NRK: variants seen among roughly 807,000 people sequenced by gnomAD.
NRK encodes the protein nik-related protein kinase.
Under a neutral mutation model 125.2 loss-of-function variants are expected in NRK, and 67 were observed. That is an observed-to-expected ratio of 0.54 (90% confidence interval 0.44 to 0.66). NRK has a LOEUF of 0.66. NRK is among the 30% of genes least tolerant of loss of function. The pLI is 0.00. For synonymous variants in NRK, 458 were observed against 429.0 expected (o/e 1.07, Z -0.84); for missense variants, 1,224 against 1,192.9 (o/e 1.03, Z -0.38).
intron 2 of NRK, among the ~76,000 whole-genome samples, chrX:105,879,039 T>C (rs1310066846): frequency 2.7e-5 from 3 of 111,430 alleles, no homozygotes; most frequent in Non-Finnish European, 5.7e-5. Context: ...TCTGGTGTTA[T>C]CAACAATCCT....
At chrX:105,894,501 C>A (rs2040056087) in intron 6 of NRK, among the ~76,000 whole-genome samples, 1 of 111,916 alleles carries the variant, frequency 8.9e-6, no homozygotes, top group Non-Finnish European at 1.9e-5. Flanking sequence ...AGGATATTAA[C>A]AGAATTGAAC....
intron 5 of NRK, among the ~76,000 whole-genome samples, chrX:105,891,151 A>G (rs915307356): frequency 9.0e-6 from 1 of 110,949 alleles, no homozygotes; most frequent in South Asian, 3.8e-4. Flanking sequence ...CTCCTAAGAA[A>G]CTCTTTTCCA....
intron 23 of NRK, among the ~76,000 whole-genome samples, chrX:105,940,419 A>T (rs1450662338): frequency 9.1e-6 from 1 of 109,732 alleles, no homozygotes; most frequent in Admixed American, 9.8e-5. Flanking sequence ...AATGGTCTTG[A>T]TTTATCTTCA....
chrX:105,900,513 C>A, intron 8 of NRK, 105 bp from the exon 9 acceptor site: 2 of 504,742 alleles, frequency 4.0e-6, no homozygotes, highest in Non-Finnish European at 3.5e-6. Context: ...CATAAAAGAG[C>A]TCTGGCATTG....
In NRK at chrX:105,924,678, T is replaced by C; in HGVS notation, c.2976-17T>C. 4 of 1,154,021 alleles carry C rather than the reference T, an allele frequency of 3.5e-6. No individual in the cohort carries two copies. Among genetic ancestry groups the C allele is most frequent in the Non-Finnish European group, 3.5e-6 (3 of 859,057 alleles). ...TTATTGCGTGACTTTCTTTCATTAA[T>C]TGGAGCTTGTTGTCAGGGCAAGCTA... On this transcript the variant is annotated splice_polypyrimidine_tract_variant and intron_variant, in intron 18 of 28. Transcript: ENST00000243300.
At chrX:105,951,930 G>A (rs1057450246) in intron 27 of NRK, among the ~76,000 whole-genome samples, 1 of 112,669 alleles carries the variant, frequency 8.9e-6, no homozygotes, top group Non-Finnish European at 1.9e-5. Context: ...AGTCACATAG[G>A]TGAAGAAATT....
At chrX:105,851,496 ACTT>A (rs1379292699) in intron 2 of NRK, among the ~76,000 whole-genome samples, 1 of 111,975 alleles carries the variant, frequency 8.9e-6, no homozygotes, top group African/African-American at 3.3e-5. Flanking sequence ...ATTCTTTTGG[ACTT>A]CTTATTAGAA....
chrX:105,868,942 A>C (rs2147691547), intron 2 of NRK, among the ~76,000 whole-genome samples: 1 of 110,826 alleles, frequency 9.0e-6, no homozygotes, highest in South Asian at 3.8e-4. Context: ...AAAAGCATTA[A>C]ATTTAAAAAC....
rs56273831 is a variant in NRK, at chrX:105,935,174, C to T, written c.3504C>T (p.Tyr1168=). ...ADANFASAIL[Y]AGFVEVPEES... Reference sequence around the variant, plus strand: ...CTTCCCCTTACATCTTTGCAGTATACGCTGGATTCGTAGAAGTACCTGAGG... The same window carrying T: ...CTTCCCCTTACATCTTTGCAGTATATGCTGGATTCGTAGAAGTACCTGAGG... The change falls in exon 21 of 29, where the codon TAC becomes TAT. Residue 1168 remains tyrosine, a synonymous_variant. Coordinates refer to ENST00000243300, the MANE Select transcript of NRK (RefSeq NM_198465.4). 7.5e-5 allele frequency: 89 copies of T among 1,184,185 alleles called. No homozygotes were observed. Among genetic ancestry groups the T allele is most frequent in the Admixed American group, 4.6e-4 (21 of 45,519 alleles).
chrX:105,871,666 A>C (rs2039749782), intron 2 of NRK, among the ~76,000 whole-genome samples: 1 of 111,531 alleles, frequency 9.0e-6, no homozygotes, highest in Non-Finnish European at 1.9e-5. Flanking sequence ...CCAATCCAGT[A>C]GGGGAGATAG....
chrX:105,917,961 G>C (rs2040387655), intron 16 of NRK, among the ~76,000 whole-genome samples: 1 of 110,838 alleles, frequency 9.0e-6, no homozygotes, highest in Admixed American at 9.7e-5. Context: ...TCTATACCAC[G>C]TAAGAAAAGT....
At chrX:105,868,016 T>G (rs1240260188) in intron 2 of NRK, among the ~76,000 whole-genome samples, 1 of 111,519 alleles carries the variant, frequency 9.0e-6, no homozygotes, top group Non-Finnish European at 1.9e-5. Flanking sequence ...TTGTGGAGGT[T>G]TGTGTAACTT....
chrX:105,898,586 G>A lies in NRK; in HGVS notation c.583G>A (p.Asp195Asn). The change falls in exon 8 of 29, where the codon GAT (aspartate) becomes AAT (asparagine). Residue 195 changes from aspartate to asparagine, a missense_variant and splice_region_variant. Physicochemically the swap from Asp to Asn is conservative, Grantham distance 23. Transcript: ENST00000243300. ...TGACATATAATGATTTTTGGCAGTTGATTTTGGAGTGAGTGCCCAGGTGAG... is the reference window on the plus strand; with the variant it reads ...TGACATATAATGATTTTTGGCAGTTAATTTTGGAGTGAGTGCCCAGGTGAG... ...LTHNAEVKLV[D>N]FGVSAQVSRT... 1 of 1,196,658 alleles carries A rather than the reference G, an allele frequency of 8.4e-7. No homozygotes were observed. Among genetic ancestry groups the A allele is most frequent in the Non-Finnish European group, 1.1e-6 (1 of 887,927 alleles).
At chrX:105,826,251 ATAATATATATT>A (rs2039100421) in intron 1 of NRK, among the ~76,000 whole-genome samples, 1 of 83,577 alleles carries the variant, frequency 1.2e-5, no homozygotes, top group Non-Finnish European at 2.2e-5. Flanking sequence ...AATATATATG[ATAATATATATT>A]TCATATATAA....
intron 16 of NRK, among the ~76,000 whole-genome samples, chrX:105,919,398 ATATT>A (rs2040409636): frequency 8.9e-6 from 1 of 111,805 alleles, no homozygotes; most frequent in Non-Finnish European, 1.9e-5. Context: ...TTAAATGGAA[ATATT>A]TACACTATAG....
chrX:105,874,955 T>C (rs1191474914), intron 2 of NRK, among the ~76,000 whole-genome samples: 1 of 111,785 alleles, frequency 8.9e-6, no homozygotes, highest in Non-Finnish European at 1.9e-5. Context: ...TTAATTACTA[T>C]ATTTTGGAAT....
intron 23 of NRK, among the ~76,000 whole-genome samples, chrX:105,941,179 G>A (rs375242974): frequency 2.2e-4 from 25 of 111,186 alleles, no homozygotes; most frequent in African/African-American, 7.9e-4. Flanking sequence ...TAGTCACAAA[G>A]TTACTCATAT....
chrX:105,944,296 C>T (rs987874888), intron 24 of NRK, among the ~76,000 whole-genome samples: 1 of 111,242 alleles, frequency 9.0e-6, no homozygotes, highest in African/African-American at 3.3e-5. Context: ...TGGGCTCAAG[C>T]CATCCTCCCA....
At chrX:105,944,647 G>A (rs1016758324) in intron 24 of NRK, among the ~76,000 whole-genome samples, 11 of 111,533 alleles carry the variant, frequency 9.9e-5, no homozygotes, top group Non-Finnish European at 2.1e-4. Flanking sequence ...GGGGGATAGA[G>A]AGCAGAGGGA....
Sources: gnomAD v4.1 joint callset for allele counts (sites outside exome capture counted in the v4.1 genomes callset) on GRCh38, gnomAD v4.1.1 for gene constraint, MANE v1.5 for transcripts, NCBI Gene and HGNC (gene_info 2026-07-23, HGNC 2026-07-21) for gene names.